ARHGAP25: variants seen among roughly 807,000 people sequenced by gnomAD.
The protein encoded by ARHGAP25 is Rho GTPase activating protein 25.
ARHGAP25 carries 34 observed loss-of-function variants against 71.0 expected under a neutral mutation model. The ratio of observed to expected loss-of-function variants is 0.48; its 90% CI spans 0.36 to 0.64. ARHGAP25 has a LOEUF of 0.64. Ranked by LOEUF, ARHGAP25 falls within the 30% of genes least tolerant of loss-of-function variation. The pLI, the probability that ARHGAP25 is intolerant of heterozygous loss-of-function variation, is 0.00. For synonymous variants in ARHGAP25, 282 were observed against 296.5 expected (o/e 0.95, Z 0.50); for missense variants, 706 against 805.1 (o/e 0.88, Z 1.49).
chr2:68,714,892 T>C (rs757626422), intron 2 of ARHGAP25, among the ~76,000 whole-genome samples: 2 of 151,998 alleles, frequency 1.3e-5, no homozygotes, highest in Non-Finnish European at 2.9e-5. Context: ...GAAAGAAAAA[T>C]ACAATGGGTT....
intron 2 of ARHGAP25, among the ~76,000 whole-genome samples, chr2:68,725,440 T>G (rs920308253): frequency 6.6e-6 from 1 of 152,112 alleles, no homozygotes; most frequent in Admixed American, 6.5e-5. Flanking sequence ...TCCCCCCATC[T>G]CAGCCTCCTG....
chr2:68,768,719 C>T (rs1468255991), intron 1 of ARHGAP25, among the ~76,000 whole-genome samples: 3 of 152,150 alleles, frequency 2.0e-5, no homozygotes, highest in Admixed American at 2.0e-4. Flanking sequence ...CTCTTTTCTC[C>T]CCCTAGTCTC....
intron 9 of ARHGAP25, among the ~76,000 whole-genome samples, chr2:68,820,972 A>G (rs766238051): frequency 2.0e-5 from 3 of 152,134 alleles, no homozygotes; most frequent in Non-Finnish European, 4.4e-5. Context: ...TTTTCATGTC[A>G]ATACATAAAC....
intron 3 of ARHGAP25, among the ~76,000 whole-genome samples, chr2:68,783,181 T>TA (rs1678471081): frequency 6.6e-6 from 1 of 152,244 alleles, no homozygotes; most frequent in African/African-American, 2.4e-5. Context: ...CCCTGGCACT[T>TA]ACTATTTGTG....
At chr2:68,766,845 T>C (rs113916434) in intron 1 of ARHGAP25, among the ~76,000 whole-genome samples, 55 of 152,258 alleles carry the variant, frequency 3.6e-4, no homozygotes, top group African/African-American at 1.2e-3. Context: ...TCTCTCCCTC[T>C]GTCTCATATT....
chr2:68,751,606 C>A (rs1676181252), intron 1 of ARHGAP25, among the ~76,000 whole-genome samples: 2 of 152,212 alleles, frequency 1.3e-5, no homozygotes, highest in Admixed American at 6.5e-5. Flanking sequence ...CAGTGTCTTT[C>A]CCTTTGTGTC....
At chr2:68,779,254 G>C (rs1356369390) in intron 2 of ARHGAP25, among the ~76,000 whole-genome samples, 1 of 152,152 alleles carries the variant, frequency 6.6e-6, no homozygotes, top group Non-Finnish European at 1.5e-5. Flanking sequence ...CATGACTGAT[G>C]CAAGCTACCA....
At chr2:68,731,018 T>C (rs1223240527), upstream of ARHGAP25, among the ~76,000 whole-genome samples, 5 of 152,174 alleles carry the variant, frequency 3.3e-5, no homozygotes, top group African/African-American at 1.2e-4. Flanking sequence ...TCATGACTCA[T>C]TGGAGGATTA....
chr2:68,717,806 C>G (rs1295204933), intron 2 of ARHGAP25, among the ~76,000 whole-genome samples: 1 of 152,056 alleles, frequency 6.6e-6, no homozygotes, highest in South Asian at 2.1e-4. Context: ...TATGAGTCCC[C>G]CTTCCACTTA....
chr2:68,816,447 G>A, intron 7 of ARHGAP25, 85 bp downstream of exon 7: 1 of 1,092,902 alleles, frequency 9.1e-7, no homozygotes, highest in East Asian at 2.4e-5. Context: ...CCACGTCTGT[G>A]AACAGAGAGA....
chr2:68,752,514 G>T (rs1464416057), intron 1 of ARHGAP25, among the ~76,000 whole-genome samples: 1 of 152,064 alleles, frequency 6.6e-6, no homozygotes, highest in Non-Finnish European at 1.5e-5. Flanking sequence ...CTTTCTAAGG[G>T]CTCCTGACCC....
chr2:68,819,597 C>T, intron 9 of ARHGAP25: 1 of 621,370 alleles, frequency 1.6e-6, no homozygotes. Context: ...GAAAGAGAGA[C>T]TCAAATACAG....
intron 7 of ARHGAP25, among the ~76,000 whole-genome samples, chr2:68,817,323 T>C (rs1681308940): frequency 6.6e-6 from 1 of 152,238 alleles, no homozygotes; most frequent in South Asian, 2.1e-4. Flanking sequence ...TTACAGTGAA[T>C]CTGAGAGCTT....
At chr2:68,758,610 A>T (rs1462660761) in intron 1 of ARHGAP25, among the ~76,000 whole-genome samples, 2 of 151,974 alleles carry the variant, frequency 1.3e-5, no homozygotes, top group Non-Finnish European at 2.9e-5. Context: ...AAATATATAA[A>T]GCAAGCATTG....
chr2:68,759,553 G>A (rs2104338122), intron 1 of ARHGAP25, among the ~76,000 whole-genome samples: 1 of 151,962 alleles, frequency 6.6e-6, no homozygotes, highest in South Asian at 2.1e-4. Flanking sequence ...GTTTAGAAAA[G>A]AATAAAATCT....
chr2:68,790,919 T>C (rs894288604), intron 4 of ARHGAP25, among the ~76,000 whole-genome samples: 1 of 152,138 alleles, frequency 6.6e-6, no homozygotes, highest in African/African-American at 2.4e-5. Flanking sequence ...CCTCCCGCAT[T>C]TCCCTTCTGA....
intron 2 of ARHGAP25, among the ~76,000 whole-genome samples, chr2:68,724,448 T>C (rs1674835707): frequency 6.6e-6 from 1 of 152,334 alleles, no homozygotes; most frequent in African/African-American, 2.4e-5. Context: ...AGCTCCACAG[T>C]GCATGACCTC....
At chr2:68,736,572 TAAAAA>T (rs961300151) in intron 1 of ARHGAP25, among the ~76,000 whole-genome samples, 1 of 152,200 alleles carries the variant, frequency 6.6e-6, no homozygotes, top group African/African-American at 2.4e-5. Context: ...TCCTTTGGTT[TAAAAA>T]ACAAGAAAGT....
chr2:68,750,263 G>A (rs1168482272), intron 1 of ARHGAP25, among the ~76,000 whole-genome samples: 1 of 149,662 alleles, frequency 6.7e-6, no homozygotes, highest in Non-Finnish European at 1.5e-5. Context: ...CTCCCACCTT[G>A]GCCTCCCCAA....
Sources: gnomAD v4.1 joint callset for allele counts (sites outside exome capture counted in the v4.1 genomes callset) on GRCh38, gnomAD v4.1.1 for gene constraint, MANE v1.5 for transcripts, NCBI Gene and HGNC (gene_info 2026-07-23, HGNC 2026-07-21) for gene names.